Variants in UBXN2A observed in about 807,000 individuals in gnomAD.
The protein encoded by UBXN2A is UBX domain protein 2A.
A neutral mutation model predicts 28.4 loss-of-function variants in UBXN2A; 28 were observed. The observed-to-expected ratio is 0.99, with a 90% CI of 0.73 to 1.35. The LOEUF is 1.35. UBXN2A is among the 40% of genes most tolerant of loss of function. The pLI, the probability that UBXN2A is intolerant of heterozygous loss-of-function variation, is 0.00. For synonymous variants in UBXN2A, 97 were observed against 103.6 expected, an observed-to-expected ratio of 0.94 and a Z score of 0.39; for missense variants, 253 against 297.9, an observed-to-expected ratio of 0.85 and a Z score of 1.11.
chr2:23,949,416 A>C (rs560615712), intron 1 of UBXN2A, among the ~76,000 whole-genome samples: 40 of 152,092 alleles, frequency 2.6e-4, no homozygotes, highest in Non-Finnish European at 4.0e-4. Context: ...CTAAAAATAC[A>C]AAACATTAGC....
intron 2 of UBXN2A, among the ~76,000 whole-genome samples, chr2:23,964,017 A>C (rs1707051400): frequency 6.6e-6 from 1 of 152,070 alleles, no homozygotes; most frequent in South Asian, 2.1e-4. Context: ...CTGTAGACCC[A>C]GCTACTGAGG....
chr2:23,942,440 T>TC (rs1705811193), intron 1 of UBXN2A, among the ~76,000 whole-genome samples: 1 of 149,612 alleles, frequency 6.7e-6, no homozygotes, highest in African/African-American at 2.5e-5. Context: ...TTTTTTTTTT[T>TC]TGTTACAGAG....
At chr2:23,960,618 CCCCTGACAACCAT>C (rs1706859215) in intron 2 of UBXN2A, among the ~76,000 whole-genome samples, 1 of 152,074 alleles carries the variant, frequency 6.6e-6, no homozygotes, top group South Asian at 2.1e-4. Flanking sequence ...CTATGCCTTG[CCCCTGACAACCAT>C]GAAACTGCTT....
chr2:23,997,887 A>C (rs1275291068), intron 6 of UBXN2A, among the ~76,000 whole-genome samples: 2 of 148,620 alleles, frequency 1.3e-5, no homozygotes, highest in East Asian at 4.0e-4. Context: ...ATTTTGGCTC[A>C]CTGCAACCTC....
intron 1 of UBXN2A, among the ~76,000 whole-genome samples, chr2:23,949,982 G>GC (rs1706282132): frequency 6.6e-6 from 1 of 151,646 alleles, no homozygotes; most frequent in South Asian, 2.1e-4. Context: ...TCCATCACTG[G>GC]AATAATTTCT....
At chr2:23,978,737 G>T (rs1282645697) in intron 4 of UBXN2A, among the ~76,000 whole-genome samples, 1 of 152,150 alleles carries the variant, frequency 6.6e-6, no homozygotes, top group Non-Finnish European at 1.5e-5. Flanking sequence ...GCGGAGGCGG[G>T]TGGATCACGA....
At chr2:23,981,684 A>G (rs1438438940) in intron 4 of UBXN2A, among the ~76,000 whole-genome samples, 2 of 150,736 alleles carry the variant, frequency 1.3e-5, no homozygotes, top group Non-Finnish European at 1.5e-5. Context: ...ACTTGAGCCT[A>G]GGAGCTCAGG....
At chr2:23,928,009 C>A (rs1011214736) in intron 1 of UBXN2A, among the ~76,000 whole-genome samples, 1 of 151,746 alleles carries the variant, frequency 6.6e-6, no homozygotes, top group African/African-American at 2.4e-5. Context: ...AACCCTGTCT[C>A]CACTAAAAAT....
chr2:23,980,344 T>A (rs1211623041), intron 4 of UBXN2A, among the ~76,000 whole-genome samples: 2 of 152,216 alleles, frequency 1.3e-5, no homozygotes, highest in Non-Finnish European at 2.9e-5. Context: ...TTATATTAAC[T>A]TTATGAAGAA....
chr2:23,931,614 C>T (rs1705370484), intron 1 of UBXN2A, among the ~76,000 whole-genome samples: 1 of 152,116 alleles, frequency 6.6e-6, no homozygotes, highest in Non-Finnish European at 1.5e-5. Flanking sequence ...AGATCAAAAG[C>T]TAAGTCATAG....
chr2:23,946,262 C>T (rs1030490491), intron 1 of UBXN2A, among the ~76,000 whole-genome samples: 1 of 152,130 alleles, frequency 6.6e-6, no homozygotes, highest in Admixed American at 6.6e-5. Context: ...AAGCGATTCT[C>T]CCGCCTCAGC....
chr2:23,995,466 C>T (rs534991182), intron 6 of UBXN2A, among the ~76,000 whole-genome samples: 255 of 151,856 alleles, frequency 1.7e-3, no homozygotes, highest in African/African-American at 6.0e-3. Flanking sequence ...CTGAGGCGGG[C>T]GGATCACGAG....
At chr2:23,952,751 G>A (rs1706435269) in intron 1 of UBXN2A, among the ~76,000 whole-genome samples, 1 of 152,156 alleles carries the variant, frequency 6.6e-6, no homozygotes, top group Admixed American at 6.6e-5. Flanking sequence ...CCAAATTTTT[G>A]TATTTTTTGT....
intron 1 of UBXN2A, among the ~76,000 whole-genome samples, chr2:23,930,763 A>C (rs1038876215): frequency 4.6e-5 from 7 of 152,190 alleles, no homozygotes; most frequent in African/African-American, 1.7e-4. Context: ...TCATGCCTAT[A>C]ATCCCAGAAT....
At chr2:23,950,038 A>G (rs894481396) in intron 1 of UBXN2A, among the ~76,000 whole-genome samples, 2 of 80,400 alleles carry the variant, frequency 2.5e-5, no homozygotes, top group Admixed American at 2.0e-4. Context: ...AAGGATCGCT[A>G]CTCTTTGCTT....
intron 1 of UBXN2A, among the ~76,000 whole-genome samples, chr2:23,928,777 A>G (rs554922178): frequency 1.9e-4 from 29 of 152,298 alleles, no homozygotes; most frequent in Admixed American, 5.9e-4. Flanking sequence ...ACTGGAAATG[A>G]CAATTTTTTT....
chr2:23,958,448 C>G, intron 2 of UBXN2A, 93 bp downstream of exon 2: 1 of 1,250,888 alleles, frequency 8.0e-7, no homozygotes, highest in Non-Finnish European at 1.1e-6. Context: ...TAGTAGAGTA[C>G]GTTTTAATTA....
At chr2:23,976,651 A>T (rs1382198851) in intron 3 of UBXN2A, among the ~76,000 whole-genome samples, 2 of 152,194 alleles carry the variant, frequency 1.3e-5, no homozygotes, top group African/African-American at 2.4e-5. Flanking sequence ...CCGTGATTCA[A>T]TTACCTCCCC....
At chr2:23,986,839 C>T (rs1164460660) in intron 6 of UBXN2A, among the ~76,000 whole-genome samples, 1 of 152,150 alleles carries the variant, frequency 6.6e-6, no homozygotes, top group African/African-American at 2.4e-5. Context: ...AACTCCTGAC[C>T]TCAGGTGATC....
Sources: gnomAD v4.1 joint callset for allele counts (sites outside exome capture counted in the v4.1 genomes callset) on GRCh38, gnomAD v4.1.1 for gene constraint, MANE v1.5 for transcripts, NCBI Gene and HGNC (gene_info 2026-07-23, HGNC 2026-07-21) for gene names.